Variants in RGS9 observed in about 807,000 individuals in gnomAD.
RGS9 encodes regulator of G-protein signalling 9.
A neutral mutation model predicts 102.0 loss-of-function variants in RGS9; 78 were observed. That is an observed-to-expected ratio of 0.76 (90% CI 0.64 to 0.92). The LOEUF (loss-of-function observed/expected upper bound fraction) is 0.92, where lower values mean the gene tolerates loss of function less well. Ranked by LOEUF, RGS9 falls within the 40% of genes least tolerant of loss-of-function variation. RGS9 has a pLI of 0.00. For missense variants in RGS9, 833 were observed against 866.1 expected, an observed-to-expected ratio of 0.96 and a Z score of 0.48; for synonymous variants, 353 against 318.6, an observed-to-expected ratio of 1.11 and a Z score of -1.15.
chr17:65,164,709 T>C (rs1911111478), intron 7 of RGS9, among the ~76,000 whole-genome samples: 1 of 152,206 alleles, frequency 6.6e-6, no homozygotes, highest in African/African-American at 2.4e-5. Context: ...TAGAATCAGG[T>C]AGAACATCAG....
At chr17:65,220,888 C>G (rs1311054606) in intron 17 of RGS9, among the ~76,000 whole-genome samples, 1 of 152,158 alleles carries the variant, frequency 6.6e-6, no homozygotes, top group Non-Finnish European at 1.5e-5. Flanking sequence ...TGAAACAAAA[C>G]AATGCTAAGC....
chr17:65,150,809 G>A (rs143742317), intron 1 of RGS9, among the ~76,000 whole-genome samples: 1 of 152,298 alleles, frequency 6.6e-6, no homozygotes, highest in East Asian at 1.9e-4. Flanking sequence ...TGGTTTCCCA[G>A]AGTTGATCAT....
At chr17:65,175,465 A>T (rs1911591213) in intron 8 of RGS9, among the ~76,000 whole-genome samples, 1 of 151,952 alleles carries the variant, frequency 6.6e-6, no homozygotes, top group Non-Finnish European at 1.5e-5. Context: ...CCTTCAAGAC[A>T]CCTGTCTCAA....
At chr17:65,204,398 C>T (rs747704517) in intron 15 of RGS9, 97 bp downstream of exon 15, 95 of 1,423,452 alleles carry the variant, frequency 6.7e-5, no homozygotes, top group Non-Finnish European at 8.6e-5. Flanking sequence ...AGAGAGGATA[C>T]GTGGATAGAG....
intron 7 of RGS9, among the ~76,000 whole-genome samples, chr17:65,165,038 A>T (rs1174136711): frequency 6.6e-6 from 1 of 152,068 alleles, no homozygotes; most frequent in Non-Finnish European, 1.5e-5. Flanking sequence ...TGAGTTTCTG[A>T]TGGGTTCCAG....
chr17:65,218,555 C>T (rs2144123742), intron 17 of RGS9, among the ~76,000 whole-genome samples: 1 of 152,290 alleles, frequency 6.6e-6, no homozygotes, highest in Middle Eastern at 3.4e-3. Flanking sequence ...GTGGCTTTGA[C>T]CTTCAACCTG....
At position 65,177,754 on chromosome 17, in the gene RGS9, A is replaced by G. The variant is rs781750928; in HGVS notation, c.605A>G (p.Asp202Gly). ...RCPPGMDNVL[D>G]YGLDRVTNPN... Reference sequence around the variant, plus strand: ...TAGCCTGGAATGGACAATGTGCTGGACTACGGCCTGGACCGAGTGACCAAT... The same window carrying G: ...TAGCCTGGAATGGACAATGTGCTGGGCTACGGCCTGGACCGAGTGACCAAT... The change falls in exon 9 of 19, where the codon GAC (aspartate) becomes GGC (glycine). Residue 202 changes from aspartate to glycine, a missense_variant. Asp to Gly is a moderately conservative substitution (Grantham distance 94). This residue lies in a region of RGS9 where 328 missense variants were observed against 340.6 expected (regional missense o/e 0.96). Coordinates refer to ENST00000262406, the MANE Select transcript of RGS9 (RefSeq NM_003835.4). 23 of 1,614,192 alleles carry G rather than the reference A, an allele frequency of 1.4e-5. No homozygotes were observed. Among genetic ancestry groups the G allele is most frequent in the Non-Finnish European group, 1.8e-5 (21 of 1,180,012 alleles).
intron 17 of RGS9, among the ~76,000 whole-genome samples, chr17:65,215,478 A>T (rs9916789): frequency 0.064 from 7,320 of 114,716 alleles, 441 homozygotes; most frequent in African/African-American, 0.21. Flanking sequence ...TTCTTTCTCT[A>T]TCTTTCTTTC....
intron 3 of RGS9, 60 bp from the exon 4 acceptor site, chr17:65,160,173 G>A (rs946402069): frequency 3.2e-5 from 43 of 1,339,558 alleles, no homozygotes; most frequent in Non-Finnish European, 4.4e-5. Flanking sequence ...CGTGGGGGCC[G>A]GCAATGAGCT....
intron 17 of RGS9, among the ~76,000 whole-genome samples, chr17:65,219,774 TATC>T (rs549118917): frequency 6.6e-6 from 1 of 152,114 alleles, no homozygotes; most frequent in Non-Finnish European, 1.5e-5. Flanking sequence ...CACTAGCTGC[TATC>T]ATCATCATCA....
intron 3 of RGS9, 75 bp from the exon 4 acceptor site, chr17:65,160,158 G>C: frequency 8.9e-7 from 1 of 1,122,892 alleles, no homozygotes. Flanking sequence ...TGGAGTTTGG[G>C]GTGCCGTGGG....
At chr17:65,202,592 A>G (rs919023694) in intron 14 of RGS9, among the ~76,000 whole-genome samples, 3 of 152,144 alleles carry the variant, frequency 2.0e-5, no homozygotes, top group African/African-American at 7.2e-5. Context: ...AGCTTGGGGT[A>G]CAAACATGGG....
rs1156864087 is a variant in RGS9 at position 65,160,329 on chromosome 17, A to G, written c.302A>G (p.Tyr101Cys). The G allele has an allele frequency of 6.2e-7, 1 of 1,613,480 alleles. No homozygotes were observed. Among genetic ancestry groups the G allele is most frequent in the South Asian group, 1.1e-5 (1 of 91,078 alleles). Reference sequence around the variant, plus strand: ...ATTCTCAAGCCTGATGGCAGCCTCTACAGATTTCAGGTGAGTCTTGGCCTT... The same window carrying G: ...ATTCTCAAGCCTGATGGCAGCCTCTGCAGATTTCAGGTGAGTCTTGGCCTT... Reference protein sequence around the residue: ...NLILKPDGSLYRFQTPYFWPT... With the variant: ...NLILKPDGSLCRFQTPYFWPT... The change falls in exon 4 of 19, where the codon TAC (tyrosine) becomes TGC (cysteine). Residue 101 changes from tyrosine (Y) to cysteine (C), a missense_variant. Around this residue, in one of 3 missense-constraint regions of RGS9, gnomAD observed 328 missense variants for 340.6 expected, o/e 0.96. Transcript: ENST00000262406.
chr17:65,139,574 C>T (rs1910078469), intron 1 of RGS9, among the ~76,000 whole-genome samples: 1 of 152,138 alleles, frequency 6.6e-6, no homozygotes, highest in Non-Finnish European at 1.5e-5. Flanking sequence ...TTTCATGCCT[C>T]AGGGTCCGTC....
chr17:65,227,268 C>A lies in RGS9; in HGVS notation c.1893-7C>A, dbSNP rs765403322. On this transcript the variant is annotated splice_polypyrimidine_tract_variant and splice_region_variant and intron_variant, in intron 18 of 18. Coordinates refer to ENST00000262406, the MANE Select transcript of RGS9 (RefSeq NM_003835.4). ...CTACATTACTGGCTTTCCTCTTGCA[C>A]CTGAAGCTTTTTCCAGATCAAAATG... The A allele has an allele frequency of 6.2e-7, 1 of 1,614,080 alleles. No individual in the cohort carries two copies. The highest frequency in any genetic ancestry group is 1.1e-5 in the South Asian group (1 of 91,078).
chr17:65,205,002 G>A (rs986867898), intron 15 of RGS9, among the ~76,000 whole-genome samples: 2 of 152,162 alleles, frequency 1.3e-5, no homozygotes, highest in South Asian at 2.1e-4. Flanking sequence ...ACATAGAGGC[G>A]TAGTGTCTAG....
chr17:65,220,353 T>C (rs574903836), intron 17 of RGS9, among the ~76,000 whole-genome samples: 4 of 152,322 alleles, frequency 2.6e-5, no homozygotes, highest in Admixed American at 2.6e-4. Flanking sequence ...GTTGATGTCA[T>C]GTCCTCTGTC....
At chr17:65,217,464 A>G (rs550842320) in intron 17 of RGS9, among the ~76,000 whole-genome samples, 1 of 152,386 alleles carries the variant, frequency 6.6e-6, no homozygotes, top group Admixed American at 6.5e-5. Context: ...CACTGGATTT[A>G]GCAGTAAGGA....
chr17:65,176,561 G>A (rs1001165396), intron 8 of RGS9, among the ~76,000 whole-genome samples: 15 of 152,126 alleles, frequency 9.9e-5, no homozygotes, highest in African/African-American at 2.2e-4. Flanking sequence ...CACTTTTCCC[G>A]CCAAGCCCAA....
Sources: allele counts gnomAD v4.1 joint callset (sites outside exome capture counted in the v4.1 genomes callset), GRCh38; gene constraint gnomAD v4.1.1; regional missense constraint gnomAD v4.1.1; transcripts MANE v1.5; gene names NCBI Gene and HGNC (gene_info 2026-07-23, HGNC 2026-07-21).